Variants in DOCK7 observed in about 807,000 individuals in gnomAD.
The protein encoded by DOCK7 is dedicator of cytokinesis 7.
In DOCK7, 138 loss-of-function variants were observed where a neutral mutation model predicts 271.0. The ratio of observed to expected loss-of-function variants is 0.51; its 90% CI spans 0.44 to 0.59. The LOEUF (loss-of-function observed/expected upper bound fraction) is 0.59. Ranked by LOEUF, DOCK7 falls within the 20% of genes least tolerant of loss-of-function variation. The probability of loss-of-function intolerance (pLI) is 0.00; values close to 1 mark genes in which losing one functional copy is unlikely to be tolerated. For missense variants in DOCK7, 2,066 were observed against 2,592.4 expected (o/e 0.80, Z 4.41); for synonymous variants, 823 against 876.1 (o/e 0.94, Z 1.07).
intron 1 of DOCK7, among the ~76,000 whole-genome samples, chr1:62,687,043 C>A (rs974537988): frequency 3.3e-5 from 5 of 152,076 alleles, no homozygotes; most frequent in Non-Finnish European, 7.4e-5. Context: ...GCCTCCCAAA[C>A]TGCTGGGATT....
intron 1 of DOCK7, among the ~76,000 whole-genome samples, chr1:62,672,093 G>A (rs2149746457): frequency 6.6e-6 from 1 of 152,096 alleles, no homozygotes; most frequent in East Asian, 1.9e-4. Flanking sequence ...CCATCTCTCT[G>A]CCATCTCCAA....
At chr1:62,673,752 T>C (rs2149751348) in intron 1 of DOCK7, among the ~76,000 whole-genome samples, 1 of 152,306 alleles carries the variant, frequency 6.6e-6, no homozygotes, top group African/African-American at 2.4e-5. Context: ...CTCAAATCCT[T>C]GTCCCCACCT....
At chr1:62,535,655 A>G (rs1394879050) in intron 28 of DOCK7, 23 bp from the exon 29 acceptor site, 6 of 1,609,896 alleles carry the variant, frequency 3.7e-6, no homozygotes, top group Non-Finnish European at 5.1e-6. Context: ...GAGGCAGAAC[A>G]AGACTATAAC....
intron 43 of DOCK7, chr1:62,482,194 A>G (rs1048679750): frequency 6.6e-6 from 1 of 152,226 alleles, no homozygotes; most frequent in Non-Finnish European, 1.5e-5. Flanking sequence ...CATGTATTAT[A>G]TCAATCCTTA....
intron 11 of DOCK7, chr1:62,627,590 C>G (rs910024663): frequency 1.3e-5 from 2 of 151,954 alleles, no homozygotes; most frequent in African/African-American, 4.8e-5. Context: ...TTTCTATACA[C>G]TAGAAATGGA....
At chr1:62,593,946 T>A (rs560098414) in intron 14 of DOCK7, among the ~76,000 whole-genome samples, 2 of 152,294 alleles carry the variant, frequency 1.3e-5, no homozygotes, top group East Asian at 3.9e-4. Flanking sequence ...CTCCATAAGA[T>A]TACACAACCT....
chr1:62,487,934 T>C (rs1646345422), intron 42 of DOCK7: 1 of 152,344 alleles, frequency 6.6e-6, no homozygotes, highest in African/African-American at 2.4e-5. Flanking sequence ...TCATGAAACC[T>C]AATCAATATT....
chr1:62,496,564 C>A, intron 37 of DOCK7, 67 bp from the exon 38 acceptor site: 1 of 1,448,802 alleles, frequency 6.9e-7, no homozygotes, highest in Non-Finnish European at 9.2e-7. Context: ...GCTATTTTTC[C>A]TTGCTAAAAG....
chr1:62,593,012 A>C (rs1202749015), intron 14 of DOCK7, among the ~76,000 whole-genome samples: 1 of 152,222 alleles, frequency 6.6e-6, no homozygotes, highest in East Asian at 1.9e-4. Flanking sequence ...AGGTTCATCT[A>C]TATAACAGGA....
intron 16 of DOCK7, among the ~76,000 whole-genome samples, chr1:62,580,892 AAAT>A (rs1369398353): frequency 9.2e-5 from 14 of 152,324 alleles, no homozygotes; most frequent in African/African-American, 3.4e-4. Context: ...CAACATGTGA[AAAT>A]AATATGAAAT....
intron 18 of DOCK7, among the ~76,000 whole-genome samples, chr1:62,574,583 G>A (rs1646886058): frequency 6.6e-6 from 1 of 152,166 alleles, no homozygotes; most frequent in Non-Finnish European, 1.5e-5. Context: ...AAGAAACAGT[G>A]TCAGAAAACA....
chr1:62,541,542 C>T (rs1416818923), intron 25 of DOCK7, among the ~76,000 whole-genome samples: 3 of 152,174 alleles, frequency 2.0e-5, no homozygotes, highest in Non-Finnish European at 4.4e-5. Context: ...TGATGATCCA[C>T]TTCCAATTAA....
At chr1:62,632,206 C>T (rs560403498) in intron 10 of DOCK7, among the ~76,000 whole-genome samples, 1 of 152,286 alleles carries the variant, frequency 6.6e-6, no homozygotes, top group East Asian at 1.9e-4. Flanking sequence ...AATGATAGCA[C>T]TATTACTATC....
intron 1 of DOCK7, among the ~76,000 whole-genome samples, chr1:62,681,950 A>C (rs1168924040): frequency 6.6e-6 from 1 of 152,196 alleles, no homozygotes; most frequent in Non-Finnish European, 1.5e-5. Flanking sequence ...CATTAAAGAA[A>C]GGAAGGAAAT....
At chr1:62,635,935 A>G (rs2149639045) in intron 8 of DOCK7, among the ~76,000 whole-genome samples, 1 of 152,234 alleles carries the variant, frequency 6.6e-6, no homozygotes, top group African/African-American at 2.4e-5. Context: ...AGTTTCTACT[A>G]CATATTAGTC....
chr1:62,625,391 C>T lies in DOCK7; in HGVS notation c.1293G>A (p.Gly431=), dbSNP rs777222905. 1.3e-6 allele frequency: 2 copies of T among 1,595,518 alleles called. No individual in the cohort carries two copies. The highest frequency in any genetic ancestry group is 2.7e-5 in the African/African-American group (2 of 73,984). ...EVEISTGERK[G]SWSERRNSSI... is the part of the protein sequence containing the mutation. ...TAGAATTCCTCCTCTCTGACCAAGA[C>T]CCTTTTCGTTCTACAAAAGAATTAA... The change falls in exon 12 of 50, where the codon GGG becomes GGA. Residue 431 remains glycine (G), a synonymous_variant. Coordinates refer to ENST00000635253, the MANE Select transcript of DOCK7 (RefSeq NM_001367561.1).
intron 1 of DOCK7, among the ~76,000 whole-genome samples, chr1:62,682,970 C>T (rs1661337705): frequency 6.6e-6 from 1 of 152,090 alleles, no homozygotes; most frequent in South Asian, 2.1e-4. Context: ...ACCTTTCAGG[C>T]TCAAGGGAAA....
chr1:62,567,448 C>T (rs1322738370), intron 18 of DOCK7, among the ~76,000 whole-genome samples: 1 of 151,726 alleles, frequency 6.6e-6, no homozygotes, highest in Admixed American at 6.6e-5. Flanking sequence ...AACTCAAGAA[C>T]AGAAAACCAA....
At chr1:62,631,095 G>A in intron 11 of DOCK7, 145 bp downstream of exon 11, 1 of 575,392 alleles carries the variant, frequency 1.7e-6, no homozygotes, top group Non-Finnish European at 2.9e-6. Context: ...TGAGGCAGGA[G>A]AATTGCTTGA....
Sources: gnomAD v4.1 joint callset for allele counts (sites outside exome capture counted in the v4.1 genomes callset) on GRCh38, gnomAD v4.1.1 for gene constraint, MANE v1.5 for transcripts, NCBI Gene and HGNC (gene_info 2026-07-23, HGNC 2026-07-21) for gene names.